CTU1: variants seen among roughly 807,000 people sequenced by gnomAD.
The protein encoded by CTU1 is cytosolic thiouridylase subunit 1, also known as cytoplasmic tRNA 2-thiolation protein 1.
Under a neutral mutation model 12.9 loss-of-function variants are expected in CTU1, and 15 were observed. The observed-to-expected ratio is 1.16, with a 90% CI of 0.78 to 1.79. The LOEUF is 1.79. CTU1 is among the 40% of genes most tolerant of loss of function. CTU1 has a pLI of 0.00. For missense variants in CTU1, 553 were observed against 550.5 expected, an observed-to-expected ratio of 1.00 and a Z score of -0.05; for synonymous variants, 295 against 275.6, an observed-to-expected ratio of 1.07 and a Z score of -0.70.
At chr19:51,102,336 CTTGTATGGTAAGGA>C (rs1334036817) in intron 2 of CTU1, among the ~76,000 whole-genome samples, 2 of 152,216 alleles carry the variant, frequency 1.3e-5, no homozygotes, top group African/African-American at 2.4e-5. Flanking sequence ...ACTGTCTGCT[CTTGTATGGTAAGGA>C]TTATTCTTCC....
intron 1 of CTU1, among the ~76,000 whole-genome samples, chr19:51,106,522 TTTG>T (rs2091921040): frequency 6.6e-6 from 1 of 150,522 alleles, no homozygotes; most frequent in African/African-American, 2.5e-5. Flanking sequence ...AATTTAATTT[TTTG>T]AGATGGAGTC....
chr19:51,108,342 C>T lies in CTU1; in HGVS notation c.-22+5G>A, dbSNP rs1272617457. 6.6e-6 allele frequency: 1 copy of T among 152,436 alleles called. No homozygotes were observed. Among genetic ancestry groups the T allele is most frequent in the African/African-American group, 2.4e-5 (1 of 41,446 alleles). 9.4% of individuals were successfully genotyped at this position (152,436 alleles called of 1,614,324 possible). A position where few individuals can be genotyped will look rare whatever the true frequency, so the allele number is the denominator to read the frequency against. On this transcript the variant is annotated splice_donor_5th_base_variant and intron_variant, in intron 1 of 2. Transcript: ENST00000421832. This position sits in a 1 kb window ranked among gnomAD's most constrained non-coding sequence, Gnocchi z 4.5. Reference sequence around the variant, plus strand: ...TGCCGACCCACCGCAGGAGGAAATACTCACCCGGGCAGAACTCAGTGCTGG... The same window carrying T: ...TGCCGACCCACCGCAGGAGGAAATATTCACCCGGGCAGAACTCAGTGCTGG...
At position 51,108,036 on chromosome 19, in the gene CTU1, G is replaced by A. The variant is rs913512840; in HGVS notation, c.-22+311C>T. ...CCCAGAAGAGAGGCCGCGGACCCCA[G>A]GGATGCCTCTGGATTGCAGCCTTGT... On this transcript the variant is annotated intron_variant, in intron 1 of 2. Coordinates refer to ENST00000421832, the MANE Select transcript of CTU1 (RefSeq NM_145232.4). This position sits in a 1 kb window ranked among gnomAD's most constrained non-coding sequence, Gnocchi z 4.5. Among the ~76,000 whole-genome samples, 1 of 152,142 alleles carries A rather than the reference G, an allele frequency of 6.6e-6. No individual in the cohort carries two copies. The highest frequency in any genetic ancestry group is 1.9e-4 in the East Asian group (1 of 5,194).
intron 2 of CTU1, among the ~76,000 whole-genome samples, chr19:51,103,142 CTCA>C (rs2122794852): frequency 6.6e-6 from 1 of 152,264 alleles, no homozygotes; most frequent in Non-Finnish European, 1.5e-5. Flanking sequence ...CTTCTACTGA[CTCA>C]TCTAATTGTC....
chr19:51,098,431 A>G lies in CTU1; in HGVS notation c.*170T>C, dbSNP rs2091896623. 1.8e-6 allele frequency: 1 copy of G among 565,478 alleles called. No individual in the cohort carries two copies. Among genetic ancestry groups the G allele is most frequent in the African/African-American group, 2.0e-5 (1 of 50,730 alleles). The allele number at this position is 565,478 out of a possible 1,614,324, so 35.0% of individuals were successfully genotyped here. A position where few individuals can be genotyped will look rare whatever the true frequency, so the allele number is the denominator to read the frequency against. On this transcript the variant is annotated 3_prime_UTR_variant, in exon 3 of 3. Transcript: ENST00000421832. The surrounding 1 kb of genome is among the most constrained non-coding windows in gnomAD (Gnocchi z 4.3). ...CCCAGTTCGAGACCCTTCTTCCCTG[A>G]GACCTCGAAGTCTGGGGTCCCAGCT...
intron 2 of CTU1, among the ~76,000 whole-genome samples, chr19:51,100,276 G>A (rs1234879227): frequency 6.6e-6 from 1 of 152,192 alleles, no homozygotes; most frequent in Admixed American, 6.5e-5. Context: ...TTAGAGTGAT[G>A]CAAACGGTGT....
chr19:51,101,996 G>A (rs191267667), intron 2 of CTU1, among the ~76,000 whole-genome samples: 1 of 152,200 alleles, frequency 6.6e-6, no homozygotes, highest in Non-Finnish European at 1.5e-5. Context: ...ATCCGAGGCA[G>A]CCTCTCATTC....
At chr19:51,103,478 G>T (rs1019587177) in intron 2 of CTU1, among the ~76,000 whole-genome samples, 1 of 151,784 alleles carries the variant, frequency 6.6e-6, no homozygotes, top group African/African-American at 2.4e-5. Flanking sequence ...CCGGCTACTC[G>T]GGAGGCTGAG....
intron 1 of CTU1, among the ~76,000 whole-genome samples, chr19:51,106,769 C>T (rs905035958): frequency 1.6e-4 from 24 of 151,954 alleles, no homozygotes; most frequent in Admixed American, 1.2e-3. Context: ...CCGCCCGCCT[C>T]GGCCTCCCAA....
Position 51,104,149 on chromosome 19 carries a change from G to C in CTU1, c.421C>G (p.Arg141Gly). The change falls in exon 2 of 3, where the codon CGC becomes GGC. Residue 141 changes from arginine (R) to glycine (G), a missense_variant. Arg to Gly is a moderately radical substitution (Grantham distance 125). Around this residue, in one of 2 missense-constraint regions of CTU1, gnomAD observed 500 missense variants for 458.5 expected, o/e 1.09. Transcript: ENST00000421832. ...ACTCCACAGAAGGTGCAGCAGGAGC[G>C]GCTGCGGCCGGAGCCGGCTGTGCTG... is the stretch of plus-strand genomic sequence containing the variant. ...ARSTAGSGRS[R>G]SCCTFCGVLR... 1 of 1,514,764 alleles carries C rather than the reference G, an allele frequency of 6.6e-7. No homozygotes were observed. 93.8% of individuals were successfully genotyped at this position (1,514,764 alleles called of 1,614,324 possible).
chr19:51,100,000 G>T (rs2091903423), intron 2 of CTU1, among the ~76,000 whole-genome samples: 1 of 152,072 alleles, frequency 6.6e-6, no homozygotes, highest in African/African-American at 2.4e-5. Context: ...TGAACATAGT[G>T]GGCAGCCAGG....
intron 2 of CTU1, among the ~76,000 whole-genome samples, chr19:51,101,750 G>C (rs1284578235): frequency 6.6e-6 from 1 of 152,148 alleles, no homozygotes; most frequent in Non-Finnish European, 1.5e-5. Flanking sequence ...TTGACTTAAA[G>C]TTGTAAACCA....
chr19:51,104,709 C>T lies in CTU1; in HGVS notation c.-21-119G>A, dbSNP rs534325601. 1.2e-3 allele frequency: 918 copies of T among 766,568 alleles called. 4 individuals carry two copies. Among genetic ancestry groups the T allele is most frequent in the South Asian group, 1.4e-3 (21 of 15,038 alleles). 47.5% of individuals were successfully genotyped at this position (766,568 alleles called of 1,614,324 possible). On this transcript the variant is annotated intron_variant, in intron 1 of 2. Coordinates refer to ENST00000421832, the MANE Select transcript of CTU1 (RefSeq NM_145232.4). ...GGAATAGACCAGGGAGACGTGTGCG[C>T]GAGTGGAGTAGCTTCTTCTAGCGCT...
Position 51,098,796 on chromosome 19 carries a change from G to T in CTU1, c.852C>A (p.Pro284=). The T allele has an allele frequency of 9.6e-7, 1 of 1,044,846 alleles. No homozygotes were observed. Among genetic ancestry groups the T allele is most frequent in the South Asian group, 4.5e-5 (1 of 22,340 alleles). The allele number at this position is 1,044,846 out of a possible 1,614,324, so 64.7% of individuals were successfully genotyped here. The change falls in exon 3 of 3, where the codon CCC becomes CCA. Residue 284 remains proline, a synonymous_variant. Coordinates refer to ENST00000421832, the MANE Select transcript of CTU1 (RefSeq NM_145232.4). The surrounding 1 kb of genome is among the most constrained non-coding windows in gnomAD (Gnocchi z 4.3). ...GCGCCCCACAGCGGGAGCAGGCGCC[G>T]GGGCGCGGGGGCCGCGCGGCCGGGG... The part of the protein sequence containing the change: ...ALAPAARPPR[P]GACSRCGALA...
At chr19:51,104,947 A>G (rs769474465) in intron 1 of CTU1, among the ~76,000 whole-genome samples, 2 of 151,898 alleles carry the variant, frequency 1.3e-5, no homozygotes, top group East Asian at 3.9e-4. Context: ...ATTTGTCACA[A>G]CCTCCAGGGA....
Position 51,104,056 on chromosome 19 carries a change from G to T in CTU1, c.508+6C>A. Reference sequence around the variant, plus strand: ...AGTGCCGCTCTGCGGCCCGTACTACGCTCACCTGTCACGATGTGCGTGGCT... The same window carrying T: ...AGTGCCGCTCTGCGGCCCGTACTACTCTCACCTGTCACGATGTGCGTGGCT... On this transcript the variant is annotated splice_donor_region_variant and intron_variant, in intron 2 of 2. Coordinates refer to ENST00000421832, the MANE Select transcript of CTU1 (RefSeq NM_145232.4). 6.9e-7 allele frequency: 1 copy of T among 1,447,020 alleles called. No individual in the cohort carries two copies. Among genetic ancestry groups the T allele is most frequent in the Non-Finnish European group, 9.0e-7 (1 of 1,112,716 alleles). The allele number at this position is 1,447,020 out of a possible 1,614,324, so 89.6% of individuals were successfully genotyped here.
chr19:51,104,341 G>A lies in CTU1; in HGVS notation c.229C>T (p.Arg77Cys). 6.8e-7 allele frequency: 1 copy of A among 1,463,614 alleles called. No homozygotes were observed. The highest frequency in any genetic ancestry group is 9.0e-7 in the Non-Finnish European group (1 of 1,112,880). The allele number at this position is 1,463,614 out of a possible 1,614,324, so 90.7% of individuals were successfully genotyped here. ...ACGAGCTGCAGTGAGATGCCCAGGC[G>A]CGGCGCCAGCGCGCGCAGCACGTGC... ...LAHVLRALAP[R>C]LGISLQLVAV... Residue 77 changes from arginine (R) to cysteine (C), a missense_variant, in exon 2 of 3, where the codon CGC becomes TGC. By Grantham distance (180) the Arg-to-Cys change is radical. This residue lies in a region of CTU1 where 500 missense variants were observed against 458.5 expected (regional missense o/e 1.09). Transcript: ENST00000421832.
chr19:51,100,909 T>C (rs2091905805), intron 2 of CTU1, among the ~76,000 whole-genome samples: 1 of 150,328 alleles, frequency 6.7e-6, no homozygotes, highest in South Asian at 2.1e-4. Flanking sequence ...TTTATGGTTT[T>C]TTTTTTTCAT....
At chr19:51,106,440 C>T (rs568215907) in intron 1 of CTU1, among the ~76,000 whole-genome samples, 51 of 152,246 alleles carry the variant, frequency 3.3e-4, no homozygotes, top group African/African-American at 1.2e-3. Context: ...CTTTTGGGGA[C>T]GCCTCTTCAT....
Sources: gnomAD v4.1 joint callset for allele counts (sites outside exome capture counted in the v4.1 genomes callset) on GRCh38, gnomAD v4.1.1 for gene constraint, gnomAD v4.1.1 regional missense constraint, Gnocchi (gnomAD v3.1) non-coding constraint, MANE v1.5 for transcripts, NCBI Gene and HGNC (gene_info 2026-07-23, HGNC 2026-07-21) for gene names.